The following ADSS2 variants were observed in gnomAD, a reference collection of about 807,000 sequenced individuals.
ADSS2 encodes adenylosuccinate synthetase isozyme 2.
In ADSS2, 30 loss-of-function variants were observed where a neutral mutation model predicts 60.0. The observed-to-expected ratio is 0.50, with a 90% CI of 0.37 to 0.68. The LOEUF is 0.68. Ranked by LOEUF, ADSS2 falls within the 30% of genes least tolerant of loss-of-function variation. The pLI, the probability that ADSS2 is intolerant of heterozygous loss-of-function variation, is 0.00. For synonymous variants in ADSS2, 187 were observed against 193.1 expected (o/e 0.97, Z 0.26); for missense variants, 373 against 554.8 (o/e 0.67, Z 3.29).
chr1:244,434,857 A>G (rs6695703), intron 3 of ADSS2, among the ~76,000 whole-genome samples: 18,122 of 152,082 alleles, frequency 0.12, 1,371 homozygotes, highest in African/African-American at 0.19. Context: ...GAACACCTGA[A>G]GACAGATTGC....
At chr1:244,449,991 A>G (rs767626999) in intron 1 of ADSS2, among the ~76,000 whole-genome samples, 19 of 152,250 alleles carry the variant, frequency 1.2e-4, no homozygotes, top group Admixed American at 6.5e-5. Context: ...AATAAATACC[A>G]TAATGGTTGT....
At chr1:244,411,238 AGAG>A in intron 12 of ADSS2, 46 bp downstream of exon 12, 1 of 1,510,708 alleles carries the variant, frequency 6.6e-7, no homozygotes, top group Non-Finnish European at 8.9e-7. Flanking sequence ...AAAAGAAAAA[AGAG>A]AGAGAGAGAA....
chr1:244,439,872 C>T (rs1246208750), intron 1 of ADSS2, among the ~76,000 whole-genome samples: 1 of 152,228 alleles, frequency 6.6e-6, no homozygotes, highest in Non-Finnish European at 1.5e-5. Context: ...GATCTAAACG[C>T]TCCTTCCGTG....
chr1:244,411,537 A>G lies in ADSS2; in HGVS notation c.1169-101T>C, dbSNP rs1279530538. 5 of 1,228,212 alleles carry G rather than the reference A, an allele frequency of 4.1e-6. No homozygotes were observed. In the East Asian group the frequency reaches 1.2e-4, roughly 29 times the overall value. 76.1% of individuals were successfully genotyped at this position (1,228,212 alleles called of 1,614,324 possible). ...CAAAATGTCTTTTCAAAATCTTTGGAGCCACATATGTTTTGGGATTTAGAA... is the reference window on the plus strand; with the variant it reads ...CAAAATGTCTTTTCAAAATCTTTGGGGCCACATATGTTTTGGGATTTAGAA... On this transcript the variant is annotated intron_variant, in intron 11 of 12. Coordinates refer to ENST00000366535, the MANE Select transcript of ADSS2 (RefSeq NM_001126.5).
rs73129733 is a variant in ADSS2 at position 244,439,393 on chromosome 1, T to C, written c.184-1625A>G. Among the ~76,000 whole-genome samples the C allele has an allele frequency of 2.6e-3, 403 of 152,250 alleles. 5 individuals carry two copies. The highest frequency in any genetic ancestry group is 9.0e-3 in the African/African-American group (373 of 41,538). On this transcript the variant is annotated intron_variant, in intron 1 of 12. Transcript: ENST00000366535. Reference sequence around the variant, plus strand: ...GGTAACGAATCCTGCCAGAACTGGGTCCTTCCCTTCAAGGTAGCAACTTCC... The same window carrying C: ...GGTAACGAATCCTGCCAGAACTGGGCCCTTCCCTTCAAGGTAGCAACTTCC...
Position 244,451,837 on chromosome 1 carries a change from G to A in ADSS2, c.-20C>T, listed in dbSNP as rs1307289203. ...CGCCATGGCTCCAGTGACGCGAGGA[G>A]AGCCCGAAGGAGAGGCGGCCGGCGA... On this transcript the variant is annotated 5_prime_UTR_variant, in exon 1 of 13. Transcript: ENST00000366535. The surrounding 1 kb of genome is among the most constrained non-coding windows in gnomAD (Gnocchi z 6.6). 3 of 1,552,048 alleles carry A rather than the reference G, an allele frequency of 1.9e-6. No homozygotes were observed. The highest frequency in any genetic ancestry group is 2.6e-6 in the Non-Finnish European group (3 of 1,151,658).
At position 244,437,746 on chromosome 1, in the gene ADSS2, G is replaced by A; in HGVS notation, c.206C>T (p.Thr69Ile). 2 of 1,606,580 alleles carry A rather than the reference G, an allele frequency of 1.2e-6. No individual in the cohort carries two copies. Among genetic ancestry groups the A allele is most frequent in the Non-Finnish European group, 1.7e-6 (2 of 1,173,322 alleles). ...ATATTCCACAGAATCCACAACAACT[G>A]TATGGCCAGCATTATTTCCTCCCTA... The part of the protein sequence containing the change: ...RCQGGNNAGH[T>I]VVVDSVEYDF... Residue 69 changes from threonine to isoleucine, a missense_variant, in exon 2 of 13, where the codon ACA (threonine) becomes ATA (isoleucine). Thr to Ile is a moderately conservative substitution (Grantham distance 89, BLOSUM62 -1). Coordinates refer to ENST00000366535, the MANE Select transcript of ADSS2 (RefSeq NM_001126.5).
chr1:244,432,660 C>T (rs879223685), intron 3 of ADSS2, 65 bp from the exon 4 acceptor site: 10,886 of 384,904 alleles, frequency 0.028, 4 homozygotes, highest in Admixed American at 0.061. Context: ...ATCTTAATTT[C>T]TTTTTTTTTT....
intron 1 of ADSS2, among the ~76,000 whole-genome samples, chr1:244,441,210 C>T (rs1049413924): frequency 1.3e-5 from 2 of 152,090 alleles, no homozygotes; most frequent in South Asian, 2.1e-4. Context: ...AGGCGCCTGC[C>T]GCCATGCCCG....
chr1:244,432,271 C>T (rs1242474993), intron 4 of ADSS2, among the ~76,000 whole-genome samples: 1 of 152,020 alleles, frequency 6.6e-6, no homozygotes. Flanking sequence ...TTTGATATGG[C>T]TTATTTTTAA....
chr1:244,435,329 TATTTCAG>T (rs1465750000), intron 3 of ADSS2, among the ~76,000 whole-genome samples: 3 of 152,090 alleles, frequency 2.0e-5, no homozygotes, highest in African/African-American at 4.8e-5. Flanking sequence ...AATACCAGAA[TATTTCAG>T]ATTTCAGATT....
intron 3 of ADSS2, among the ~76,000 whole-genome samples, chr1:244,433,005 G>A (rs1664987072): frequency 6.6e-6 from 1 of 152,122 alleles, no homozygotes; most frequent in South Asian, 2.1e-4. Flanking sequence ...GGGAGGCCAA[G>A]GCAGGTGGAT....
intron 11 of ADSS2, 66 bp downstream of exon 11, chr1:244,415,915 C>T (rs2147989508): frequency 8.5e-7 from 1 of 1,174,314 alleles, no homozygotes; most frequent in Non-Finnish European, 1.2e-6. Context: ...TATGGAAGAG[C>T]TTTATGAAAC....
At chr1:244,426,064 T>C (rs1664796398) in intron 4 of ADSS2, among the ~76,000 whole-genome samples, 1 of 152,174 alleles carries the variant, frequency 6.6e-6, no homozygotes, top group African/African-American at 2.4e-5. Context: ...TTCTGAGCTA[T>C]AAGGGTTAGT....
At chr1:244,436,698 T>A in intron 3 of ADSS2, 127 bp downstream of exon 3, 3 of 665,034 alleles carry the variant, frequency 4.5e-6, no homozygotes, top group Non-Finnish European at 7.7e-6. Context: ...ATAACTGACA[T>A]TAAAAATTCG....
chr1:244,444,117 T>G (rs1665320790), intron 1 of ADSS2, among the ~76,000 whole-genome samples: 1 of 152,234 alleles, frequency 6.6e-6, no homozygotes, highest in South Asian at 2.1e-4. Flanking sequence ...AGGTTAATTT[T>G]ATTAAAGTGA....
chr1:244,415,940 C>T, intron 11 of ADSS2, 41 bp downstream of exon 11: 2 of 1,402,574 alleles, frequency 1.4e-6, no homozygotes, highest in Non-Finnish European at 2.0e-6. Context: ...CTAATACATT[C>T]ACCTTATAAT....
At position 244,417,347 on chromosome 1, in the gene ADSS2, C is replaced by CT. The variant is rs555867298; in HGVS notation, c.1070+280dup. ...CATGGTGTCTGTGCTACCCACCTGT[C>CT]TATCTGTCCACCTATCTGCCTACAT... On this transcript the variant is annotated intron_variant, in intron 10 of 12. Transcript: ENST00000366535. Among the ~76,000 whole-genome samples the CT allele has an allele frequency of 1.1e-3, 165 of 152,282 alleles. No homozygotes were observed. In the South Asian group the frequency reaches 0.013, roughly 12 times the overall value.
chr1:244,423,692 C>A (rs1214940626), intron 6 of ADSS2, among the ~76,000 whole-genome samples: 1 of 152,106 alleles, frequency 6.6e-6, no homozygotes, highest in Non-Finnish European at 1.5e-5. Context: ...GAAACCATTC[C>A]ATATTTCAAT....
Sources: allele counts gnomAD v4.1 joint callset (sites outside exome capture counted in the v4.1 genomes callset), GRCh38; gene constraint gnomAD v4.1.1; non-coding constraint Gnocchi (gnomAD v3.1); transcripts MANE v1.5; gene names NCBI Gene and HGNC (gene_info 2026-07-23, HGNC 2026-07-21).